The following SYTL2 variants were observed in gnomAD, a reference collection of about 807,000 sequenced individuals.
The protein encoded by SYTL2 is synaptotagmin-like protein 2.
A neutral mutation model predicts 198.7 loss-of-function variants in SYTL2; 165 were observed. The ratio of observed to expected loss-of-function variants is 0.83; its 90% CI spans 0.73 to 0.94. SYTL2 has a LOEUF of 0.94. Ranked by LOEUF, SYTL2 falls within the 40% of genes least tolerant of loss-of-function variation. The pLI is 0.00. For missense variants in SYTL2, 2,835 were observed against 2,582.8 expected (o/e 1.10, Z -2.12); for synonymous variants, 966 against 917.7 (o/e 1.05, Z -0.95).
intron 4 of SYTL2, among the ~76,000 whole-genome samples, chr11:85,738,296 C>T (rs570580769): frequency 2.0e-5 from 3 of 152,272 alleles, no homozygotes; most frequent in African/African-American, 7.2e-5. Context: ...TACACAATTA[C>T]TCCCAAGAAA....
chr11:85,842,031 G>C, the SYTL2 span, among the ~76,000 whole-genome samples: 1 of 152,134 alleles, frequency 6.6e-6, no homozygotes, highest in South Asian at 2.1e-4. Flanking sequence ...CCTTTTACAT[G>C]TCAGGCCCTG....
intron 1 of SYTL2, among the ~76,000 whole-genome samples, chr11:85,768,770 G>C (rs937091148): frequency 3.9e-5 from 6 of 152,162 alleles, no homozygotes; most frequent in African/African-American, 1.2e-4. Flanking sequence ...CTAAATTTGA[G>C]ATGGGGTATT....
intron 1 of SYTL2, among the ~76,000 whole-genome samples, chr11:85,790,693 C>T (rs1166199021): frequency 1.3e-5 from 2 of 152,150 alleles, no homozygotes; most frequent in African/African-American, 4.8e-5. Context: ...CTTGAAGATT[C>T]TCGCTTGTCT....
Position 85,727,965 on chromosome 11 carries a change from C to T in SYTL2, c.1393G>A (p.Glu465Lys). 1 of 1,575,414 alleles carries T rather than the reference C, an allele frequency of 6.3e-7. No homozygotes were observed. Among genetic ancestry groups the T allele is most frequent in the Non-Finnish European group, 8.6e-7 (1 of 1,166,600 alleles). ...ESVLPRSPAD[E>K]LSHCVEPEPS... ...TCAGGCTCAACACAATGAGACAGTTCATCTGCAACATAGAAATACTTTTCT... is the reference window on the plus strand; with the variant it reads ...TCAGGCTCAACACAATGAGACAGTTTATCTGCAACATAGAAATACTTTTCT... Residue 465 changes from glutamate (E) to lysine (K), a missense_variant and splice_region_variant, in exon 8 of 20, where the codon GAA becomes AAA. Physicochemically the swap from Glu to Lys is moderately conservative, Grantham distance 56. Coordinates refer to ENST00000359152, the MANE Select transcript of SYTL2 (RefSeq NM_206927.4).
the SYTL2 span, among the ~76,000 whole-genome samples, chr11:85,829,547 C>T: frequency 5.4e-4 from 82 of 152,254 alleles, no homozygotes; most frequent in South Asian, 2.3e-3. Flanking sequence ...GAATGAATCA[C>T]TTTTCTTTGG....
chr11:85,789,395 T>C (rs867520803), intron 1 of SYTL2, among the ~76,000 whole-genome samples: 1 of 115,950 alleles, frequency 8.6e-6, no homozygotes, highest in East Asian at 2.6e-4. Context: ...TATATATATA[T>C]ATATAATTTT....
chr11:85,802,220 C>CTTTTT (rs5793172), intron 1 of SYTL2, among the ~76,000 whole-genome samples: 67 of 122,550 alleles, frequency 5.5e-4, no homozygotes, highest in African/African-American at 7.7e-4. Context: ...TTTTTCTTTT[C>CTTTTT]TTTTTTTTTT....
intron 17 of SYTL2, among the ~76,000 whole-genome samples, chr11:85,699,401 A>G (rs1407195006): frequency 6.6e-6 from 1 of 152,208 alleles, no homozygotes; most frequent in African/African-American, 2.4e-5. Flanking sequence ...ACCAAGTGAT[A>G]GAAGGAAAAA....
chr11:85,732,653 T>G (rs1565944078), intron 7 of SYTL2, among the ~76,000 whole-genome samples: 1 of 152,128 alleles, frequency 6.6e-6, no homozygotes, highest in Non-Finnish European at 1.5e-5. Flanking sequence ...GGTGACAGGT[T>G]GATGGGTGCA....
chr11:85,813,318 TAGAG>T (rs986659829), upstream of SYTL2, among the ~76,000 whole-genome samples: 7 of 125,460 alleles, frequency 5.6e-5, no homozygotes, highest in East Asian at 4.7e-4. Context: ...GCTCATTTGT[TAGAG>T]AGAAAATAAT....
intron 1 of SYTL2, among the ~76,000 whole-genome samples, chr11:85,789,283 A>G (rs544873617): frequency 8.9e-4 from 119 of 133,426 alleles, no homozygotes; most frequent in African/African-American, 3.2e-3. Flanking sequence ...GTGTGTGTGT[A>G]TATATATATA....
At chr11:85,802,697 T>C (rs1007286799) in intron 1 of SYTL2, among the ~76,000 whole-genome samples, 12 of 152,072 alleles carry the variant, frequency 7.9e-5, no homozygotes, top group African/African-American at 2.9e-4. Context: ...GGAAAATGAA[T>C]AGAACTGACA....
the SYTL2 span, among the ~76,000 whole-genome samples, chr11:85,831,185 G>C: frequency 1.3e-5 from 2 of 152,170 alleles, no homozygotes; most frequent in African/African-American, 4.8e-5. Flanking sequence ...TGCTTAAGTA[G>C]TCACTCTTCA....
intron 1 of SYTL2, among the ~76,000 whole-genome samples, chr11:85,780,374 G>A (rs1387738418): frequency 6.6e-6 from 1 of 152,192 alleles, no homozygotes; most frequent in Non-Finnish European, 1.5e-5. Flanking sequence ...GATAACTGGT[G>A]GCTGGCAGCC....
At chr11:85,811,321 TC>T (rs1318627837), upstream of SYTL2, among the ~76,000 whole-genome samples, 1 of 126,842 alleles carries the variant, frequency 7.9e-6, no homozygotes, top group East Asian at 2.5e-4. Flanking sequence ...TCCCCTTCCC[TC>T]CCTTCGCCCT....
chr11:85,695,881 T>C (rs567038063), intron 19 of SYTL2, among the ~76,000 whole-genome samples: 18 of 152,332 alleles, frequency 1.2e-4, no homozygotes, highest in African/African-American at 4.1e-4. Flanking sequence ...AGCATATATT[T>C]AGCCTTGAAG....
At chr11:85,733,590 T>TTTG (rs557699360) in intron 7 of SYTL2, 37,056 of 95,962 alleles carry the variant, frequency 0.39, 6,963 homozygotes, top group East Asian at 0.48. Flanking sequence ...AGTTTTTTTT[T>TTTG]TTTGTTTTTT....
chr11:85,824,489 T>A, the SYTL2 span, among the ~76,000 whole-genome samples: 1 of 152,204 alleles, frequency 6.6e-6, no homozygotes, highest in African/African-American at 2.4e-5. Context: ...AGAATTTCAC[T>A]GAAGATTTCC....
In SYTL2 at chr11:85,696,401, G is replaced by C. The variant is rs2083413078; in HGVS notation, c.6369-13C>G. 3 of 1,606,432 alleles carry C rather than the reference G, an allele frequency of 1.9e-6. No individual in the cohort carries two copies. Among genetic ancestry groups the C allele is most frequent in the Non-Finnish European group, 2.6e-6 (3 of 1,173,226 alleles). On this transcript the variant is annotated splice_polypyrimidine_tract_variant and intron_variant, in intron 18 of 19. Transcript: ENST00000359152. ...TGGAAGGATGGTACTACAAAAAGAG[G>C]CATGATTGTGGGAGCATTTTAGTAA...
Sources: gnomAD v4.1 joint callset for allele counts (sites outside exome capture counted in the v4.1 genomes callset) on GRCh38, gnomAD v4.1.1 for gene constraint, MANE v1.5 for transcripts, NCBI Gene and HGNC (gene_info 2026-07-23, HGNC 2026-07-21) for gene names.